ARID1B: variants seen among roughly 807,000 people sequenced by gnomAD.
The protein encoded by ARID1B is AT-rich interaction domain 1B.
In ARID1B, 30 loss-of-function variants were observed where a neutral mutation model predicts 212.3. That is an observed-to-expected ratio of 0.14 (90% confidence interval 0.11 to 0.19). The LOEUF (loss-of-function observed/expected upper bound fraction) is 0.19, where lower values mean the gene tolerates loss of function less well. Among genes scored for constraint, ARID1B ranks in the 10% least tolerant of loss-of-function variants. ARID1B has a pLI of 1.00. For missense variants in ARID1B, 2,891 were observed against 3,204.0 expected (o/e 0.90, Z 2.36); for synonymous variants, 1,402 against 1,301.7 (o/e 1.08, Z -1.66).
In ARID1B at chr6:157,067,167, A is replaced by G. The variant is rs542850179; in HGVS notation, c.2248-17495A>G. Among the ~76,000 whole-genome samples, 3 of 152,354 alleles carry G rather than the reference A, an allele frequency of 2.0e-5. No homozygotes were observed. The South Asian group carries it at 6.2e-4, about 32-fold the overall frequency. ...AAACAAAGATTTTAGCAGTATTTGTACTAGTTTGTCAATGAAGAAATTGAG... is the reference window on the plus strand; with the variant it reads ...AAACAAAGATTTTAGCAGTATTTGTGCTAGTTTGTCAATGAAGAAATTGAG... On this transcript the variant is annotated intron_variant, in intron 4 of 19. Coordinates refer to ENST00000636930, the MANE Select transcript of ARID1B (RefSeq NM_001374828.1).
chr6:156,866,524 G>C (rs944060123), intron 2 of ARID1B, among the ~76,000 whole-genome samples: 3 of 152,004 alleles, frequency 2.0e-5, no homozygotes, highest in African/African-American at 7.3e-5. Context: ...TTGTGGGTTT[G>C]TTTTATAAAA....
chr6:156,906,023 G>A (rs1209650573), intron 3 of ARID1B, among the ~76,000 whole-genome samples: 2 of 152,130 alleles, frequency 1.3e-5, no homozygotes, highest in African/African-American at 2.4e-5. Flanking sequence ...TTTAGCTTAG[G>A]TGGCTGCAGG....
In ARID1B at chr6:157,125,693, G is replaced by A. The variant is rs540329277; in HGVS notation, c.2582-7335G>A. On this transcript the variant is annotated intron_variant, in intron 6 of 19. Coordinates refer to ENST00000636930, the MANE Select transcript of ARID1B (RefSeq NM_001374828.1). Reference sequence around the variant, plus strand: ...CACCTGTGCTGCTTTTATTCTCCACGTCACACACTGACTTTGAGTTATTTG... The same window carrying A: ...CACCTGTGCTGCTTTTATTCTCCACATCACACACTGACTTTGAGTTATTTG... 5.9e-5 allele frequency among the ~76,000 whole-genome samples: 9 copies of A among 152,212 alleles called. No homozygotes were observed. In the South Asian group the frequency reaches 1.2e-3, roughly 21 times the overall value.
intron 4 of ARID1B, chr6:156,936,753 A>C (rs959392015): frequency 6.6e-6 from 1 of 152,110 alleles, no homozygotes; most frequent in Non-Finnish European, 1.5e-5. Flanking sequence ...TCTATGGAGA[A>C]GGTTTGTTTT....
At chr6:157,150,876 T>C (rs1021205384) in intron 8 of ARID1B, 1 of 178,416 alleles carries the variant, frequency 5.6e-6, no homozygotes, top group Non-Finnish European at 1.2e-5. Flanking sequence ...ACACCCCGAC[T>C]TGCTGCGGGA....
chr6:157,196,034 G>T (rs1431126064), intron 15 of ARID1B, 131 bp from the exon 16 acceptor site: 22 of 1,171,814 alleles, frequency 1.9e-5, no homozygotes, highest in Non-Finnish European at 2.5e-5. Context: ...GCATTAGCCT[G>T]GGCGACAGAG....
chr6:157,089,879 A>G (rs1157803333), intron 5 of ARID1B, among the ~76,000 whole-genome samples: 1 of 152,196 alleles, frequency 6.6e-6, no homozygotes, highest in Non-Finnish European at 1.5e-5. Flanking sequence ...TGATCCCATC[A>G]CGTTGCACTT....
intron 19 of ARID1B, chr6:157,204,208 A>G (rs1352924045): frequency 1.9e-6 from 1 of 528,256 alleles, no homozygotes; most frequent in African/African-American, 1.9e-5. Flanking sequence ...ACATACCTCT[A>G]TTTCTTATGA....
At position 156,980,669 on chromosome 6, in the gene ARID1B, A is replaced by C. The variant is rs796421932; in HGVS notation, c.2247+45093A>C. Among the ~76,000 whole-genome samples, 8 of 152,176 alleles carry C rather than the reference A, an allele frequency of 5.3e-5. No individual in the cohort carries two copies. In the South Asian group the frequency reaches 1.7e-3, roughly 32 times the overall value. On this transcript the variant is annotated intron_variant, in intron 4 of 19. Transcript: ENST00000636930. ...AAAATCGCCTGCACTGTTGTGGCTGAGGATCTGCAGGAGCCTGAGCAGGGA... is the reference window on the plus strand; with the variant it reads ...AAAATCGCCTGCACTGTTGTGGCTGCGGATCTGCAGGAGCCTGAGCAGGGA...
At chr6:157,079,187 G>T (rs1280969840) in intron 4 of ARID1B, among the ~76,000 whole-genome samples, 2 of 152,174 alleles carry the variant, frequency 1.3e-5, no homozygotes, top group African/African-American at 4.8e-5. Context: ...GTGCTTGGCA[G>T]ATTTTTTTTC....
chr6:156,910,800 G>A (rs373523910), intron 3 of ARID1B, among the ~76,000 whole-genome samples: 62 of 152,242 alleles, frequency 4.1e-4, no homozygotes, highest in African/African-American at 1.4e-3. Context: ...GTTTATGATA[G>A]ATCATTTAGA....
intron 2 of ARID1B, among the ~76,000 whole-genome samples, chr6:156,845,601 GC>G (rs1296334769): frequency 1.3e-5 from 2 of 152,028 alleles, no homozygotes; most frequent in Admixed American, 6.5e-5. Flanking sequence ...GAAGTCCAGG[GC>G]CCCTTCTTTG....
intron 15 of ARID1B, chr6:157,194,409 T>A (rs759412428): frequency 6.6e-6 from 1 of 152,248 alleles, no homozygotes; most frequent in Non-Finnish European, 1.5e-5. Context: ...ACAAAATGTA[T>A]CTACTCATGA....
intron 4 of ARID1B, among the ~76,000 whole-genome samples, chr6:157,004,897 C>CTTTTTTTTTTTTTTTTTTTTTTTTTTTTT (rs1177807875): frequency 9.1e-5 from 5 of 54,740 alleles, no homozygotes; most frequent in African/African-American, 1.4e-4. Flanking sequence ...CTTCTTTTTT[C>CTTTTTTTTTTTTTTTTTTTTTTTTTTTTT]TTTTTTTTTT....
chr6:157,177,043 TTAATG>T (rs1417765654), intron 11 of ARID1B, among the ~76,000 whole-genome samples: 1 of 152,230 alleles, frequency 6.6e-6, no homozygotes, highest in East Asian at 1.9e-4. Context: ...ACTTTCTCCT[TTAATG>T]TAAGACAATA....
intron 17 of ARID1B, 86 bp downstream of exon 17, chr6:157,198,993 T>C: frequency 8.9e-7 from 1 of 1,118,768 alleles, no homozygotes; most frequent in Non-Finnish European, 1.3e-6. Flanking sequence ...TTCTGAAGAT[T>C]TTCAGACATC....
chr6:157,059,756 G>A lies in ARID1B; in HGVS notation c.2248-24906G>A, dbSNP rs554514887. ...TCCTGCCTGGCCTGGGAAACATTTT[G>A]TGAGGGAGAGAGAGCAAGCTTTCCT... On this transcript the variant is annotated intron_variant, in intron 4 of 19. Coordinates refer to ENST00000636930, the MANE Select transcript of ARID1B (RefSeq NM_001374828.1). Among the ~76,000 whole-genome samples, 10 of 152,312 alleles carry A rather than the reference G, an allele frequency of 6.6e-5. No individual in the cohort carries two copies. In the South Asian group the frequency reaches 1.9e-3, roughly 28 times the overall value.
At chr6:156,809,970 T>A (rs1026471470) in intron 1 of ARID1B, among the ~76,000 whole-genome samples, 1 of 152,068 alleles carries the variant, frequency 6.6e-6, no homozygotes, top group Admixed American at 6.6e-5. Flanking sequence ...ATCTGGGAAA[T>A]CAGCACAGCA....
chr6:157,187,006 C>T (rs1367395313), intron 13 of ARID1B, among the ~76,000 whole-genome samples: 1 of 152,254 alleles, frequency 6.6e-6, no homozygotes, highest in Non-Finnish European at 1.5e-5. Flanking sequence ...TGGCTTCTCA[C>T]ACCGGATGTC....
Sources: gnomAD v4.1 joint callset for allele counts (sites outside exome capture counted in the v4.1 genomes callset) on GRCh38, gnomAD v4.1.1 for gene constraint, MANE v1.5 for transcripts, NCBI Gene and HGNC (gene_info 2026-07-23, HGNC 2026-07-21) for gene names.